Variants in SYK observed in about 807,000 individuals in gnomAD.
SYK encodes spleen associated tyrosine kinase, also known as tyrosine-protein kinase SYK.
SYK carries 16 observed loss-of-function variants against 77.8 expected under a neutral mutation model. That is an observed-to-expected ratio of 0.21 (90% confidence interval 0.14 to 0.31). The LOEUF (loss-of-function observed/expected upper bound fraction) is 0.31, where lower values mean the gene tolerates loss of function less well. Ranked by LOEUF, SYK falls within the 10% of genes least tolerant of loss-of-function variation. SYK has a pLI of 1.00. For synonymous variants in SYK, 312 were observed against 308.7 expected, an observed-to-expected ratio of 1.01 and a Z score of -0.11; for missense variants, 529 against 814.4, an observed-to-expected ratio of 0.65 and a Z score of 4.26.
At chr9:90,805,778 T>C (rs1824809491) in intron 1 of SYK, among the ~76,000 whole-genome samples, 1 of 152,248 alleles carries the variant, frequency 6.6e-6, no homozygotes, top group Non-Finnish European at 1.5e-5. Flanking sequence ...TTTTGTTTAA[T>C]TTTAATTTGT....
In SYK at chr9:90,845,454, C is replaced by T. The variant is rs767464527; in HGVS notation, c.438C>T (p.Ala146=). Residue 146 remains alanine (A), a synonymous_variant, in exon 3 of 14, where the codon GCC becomes GCT. Transcript: ENST00000375754. ...WNLQGQALEQ[A]IISQKPQLEK... ...GGCAGGGTCAGGCTCTGGAGCAGGC[C>T]ATCATCAGTCAGAAGCCTCAGCTGG... is the stretch of plus-strand genomic sequence containing the variant. The T allele has an allele frequency of 1.2e-6, 2 of 1,614,108 alleles. No homozygotes were observed. Among genetic ancestry groups the T allele is most frequent in the Non-Finnish European group, 1.7e-6 (2 of 1,179,992 alleles).
intron 13 of SYK, among the ~76,000 whole-genome samples, chr9:90,893,444 C>G (rs569924428): frequency 6.6e-6 from 1 of 152,036 alleles, no homozygotes; most frequent in South Asian, 2.1e-4. Flanking sequence ...CCACTCTCTC[C>G]AAGGTGATAT....
chr9:90,871,034 G>A (rs2118849461), intron 7 of SYK, among the ~76,000 whole-genome samples: 1 of 152,236 alleles, frequency 6.6e-6, no homozygotes, highest in East Asian at 1.9e-4. Flanking sequence ...TTAAACATAG[G>A]CACTCAAAGA....
rs551103630 is a variant in SYK, at chr9:90,807,181, G to A, written c.-42+5288G>A. 1.7e-4 allele frequency among the ~76,000 whole-genome samples: 26 copies of A among 152,276 alleles called. No individual in the cohort carries two copies. The South Asian group carries it at 2.7e-3, about 16-fold the overall frequency. On this transcript the variant is annotated intron_variant, in intron 1 of 13. Transcript: ENST00000375754. ...CTACACTTCCATGACCCTGCAGTGC[G>A]TTTGTTCTTAGAGTGGCTTTCAGGG...
chr9:90,837,044 TGC>T (rs1826112220), intron 1 of SYK, among the ~76,000 whole-genome samples: 1 of 152,322 alleles, frequency 6.6e-6, no homozygotes, highest in African/African-American at 2.4e-5. Flanking sequence ...ACATATAACA[TGC>T]AAAATATGTG....
Position 90,828,804 on chromosome 9 carries a change from C to T in SYK, c.-41-15054C>T, listed in dbSNP as rs903699251. Among the ~76,000 whole-genome samples the T allele has an allele frequency of 3.3e-5, 5 of 152,336 alleles. No individual in the cohort carries two copies. The South Asian group carries it at 8.3e-4, about 25-fold the overall frequency. Reference sequence around the variant, plus strand: ...GATGTCTCCCAGGTTGAGCCTGCAGCCTGGCCCGGTCACCAGCACAGCACG... The same window carrying T: ...GATGTCTCCCAGGTTGAGCCTGCAGTCTGGCCCGGTCACCAGCACAGCACG... On this transcript the variant is annotated intron_variant, in intron 1 of 13. Transcript: ENST00000375754.
intron 1 of SYK, among the ~76,000 whole-genome samples, chr9:90,832,383 C>G (rs1267756723): frequency 6.6e-6 from 1 of 152,242 alleles, no homozygotes. Context: ...AGAACTTTGG[C>G]CTCTGCCTTT....
chr9:90,838,577 A>AC (rs540483152), intron 1 of SYK, among the ~76,000 whole-genome samples: 3 of 152,364 alleles, frequency 2.0e-5, no homozygotes, highest in East Asian at 3.9e-4. Context: ...TCCTTGCTGA[A>AC]CCACTACCTG....
chr9:90,826,942 G>A (rs1240396159), intron 1 of SYK, among the ~76,000 whole-genome samples: 6 of 151,894 alleles, frequency 4.0e-5, no homozygotes, highest in Admixed American at 6.6e-5. Flanking sequence ...TGGCCTTTCC[G>A]CCATTAAGAC....
At chr9:90,886,307 T>A (rs1675335) in intron 11 of SYK, among the ~76,000 whole-genome samples, 10 of 152,140 alleles carry the variant, frequency 6.6e-5, no homozygotes, top group African/African-American at 1.9e-4. Context: ...AGACTTTTTT[T>A]AAAAAAATGC....
chr9:90,818,190 C>T (rs1158433410), intron 1 of SYK, among the ~76,000 whole-genome samples: 1 of 152,162 alleles, frequency 6.6e-6, no homozygotes. Flanking sequence ...TTATCTGGTT[C>T]TTGTTGCAGG....
chr9:90,888,962 A>G (rs988946418), intron 13 of SYK, among the ~76,000 whole-genome samples: 5 of 152,198 alleles, frequency 3.3e-5, no homozygotes, highest in Non-Finnish European at 5.9e-5. Context: ...TTTGGCATAG[A>G]GGATGGCAGA....
At chr9:90,873,266 T>C (rs1160124718) in intron 7 of SYK, among the ~76,000 whole-genome samples, 1 of 152,026 alleles carries the variant, frequency 6.6e-6, no homozygotes, top group African/African-American at 2.4e-5. Flanking sequence ...AATCTGGCAG[T>C]ATCTCATTTC....
intron 9 of SYK, among the ~76,000 whole-genome samples, chr9:90,876,364 G>A (rs1827932235): frequency 6.9e-6 from 1 of 145,252 alleles, no homozygotes; most frequent in Admixed American, 7.3e-5. Context: ...TTGTTTTTGT[G>A]CATGTGTGTG....
chr9:90,844,225 G>A lies in SYK; in HGVS notation c.327G>A (p.Arg109=), dbSNP rs1826489829. 6.2e-7 allele frequency: 1 copy of A among 1,614,064 alleles called. No individual in the cohort carries two copies. Among genetic ancestry groups the A allele is most frequent in the Non-Finnish European group, 8.5e-7 (1 of 1,180,010 alleles). The change falls in exon 2 of 14, where the codon CGG becomes CGA. Residue 109 remains arginine (R), a synonymous_variant. Transcript: ENST00000375754. Reference sequence around the variant, plus strand: ...GCCTCCTCAAGAAGCCCTTCAACCGGCCCCAAGGGGTGCAGCCCAAGACTG... The same window carrying A: ...GCCTCCTCAAGAAGCCCTTCAACCGACCCCAAGGGGTGCAGCCCAAGACTG... ...LVCLLKKPFN[R]PQGVQPKTGP...
In SYK at chr9:90,895,479, A is replaced by T. The variant is rs158689; in HGVS notation, c.1836-49A>T. ...GCAGAGGCCCTGCTTGTGATCAGCA[A>T]TTTTTCACAAGCACATTGACAAACA... On this transcript the variant is annotated intron_variant, in intron 13 of 13. Coordinates refer to ENST00000375754, the MANE Select transcript of SYK (RefSeq NM_003177.7). The surrounding 1 kb of genome is among the most constrained non-coding windows in gnomAD (Gnocchi z 4.4). The T allele has an allele frequency of 0.56, 892,966 of 1,602,760 alleles. 251,630 individuals carry two copies. The highest frequency in any genetic ancestry group is 0.72 in the African/African-American group (54,150 of 74,792).
chr9:90,857,454 GAA>G (rs1564099046), intron 3 of SYK, among the ~76,000 whole-genome samples: 1 of 152,156 alleles, frequency 6.6e-6, no homozygotes, highest in Admixed American at 6.5e-5. Context: ...CAGAGGGAGA[GAA>G]TGAGAGGGCG....
chr9:90,867,151 A>C lies in SYK; in HGVS notation c.867A>C (p.Ile289=), dbSNP rs1209179356. The C allele has an allele frequency of 2.1e-5, 34 of 1,614,016 alleles. No individual in the cohort carries two copies. The highest frequency in any genetic ancestry group is 2.9e-5 in the Non-Finnish European group (34 of 1,180,034). Residue 289 remains isoleucine (I), a synonymous_variant, in exon 7 of 14, where the codon ATA becomes ATC. Coordinates refer to ENST00000375754, the MANE Select transcript of SYK (RefSeq NM_003177.7). ...TCTAGACTTGGTCAGCGGGTGGAAT[A>C]ATCTCAAGAATCAAATCATACTCCT... ...SHPATWSAGG[I]ISRIKSYSFP... is the part of the protein sequence containing the mutation.
chr9:90,861,333 C>A (rs10993731), intron 3 of SYK, among the ~76,000 whole-genome samples: 2 of 152,158 alleles, frequency 1.3e-5, no homozygotes, highest in East Asian at 3.9e-4. Context: ...TTCTGAGGGT[C>A]GCCCAGCATT....
Sources: gnomAD v4.1 joint callset for allele counts (sites outside exome capture counted in the v4.1 genomes callset) on GRCh38, gnomAD v4.1.1 for gene constraint, Gnocchi (gnomAD v3.1) non-coding constraint, MANE v1.5 for transcripts, NCBI Gene and HGNC (gene_info 2026-07-23, HGNC 2026-07-21) for gene names.